The following SLC5A12 variants were observed in gnomAD, a reference collection of about 807,000 sequenced individuals.
SLC5A12 encodes sodium-coupled monocarboxylate transporter 2.
In SLC5A12, 46 loss-of-function variants were observed where a neutral mutation model predicts 72.7. That is an observed-to-expected ratio of 0.63 (90% CI 0.50 to 0.81). The LOEUF is 0.81. SLC5A12 is among the 30% of genes least tolerant of loss of function. The probability of loss-of-function intolerance (pLI) is 0.00; values close to 1 mark genes in which losing one functional copy is unlikely to be tolerated. For missense variants in SLC5A12, 683 were observed against 740.7 expected (o/e 0.92, Z 0.90); for synonymous variants, 275 against 264.4 (o/e 1.04, Z -0.39).
At chr11:26,709,106 G>A (rs1855159659) in intron 4 of SLC5A12, 3 of 414,602 alleles carry the variant, frequency 7.2e-6, no homozygotes, top group Non-Finnish European at 1.3e-5. Flanking sequence ...AATGAGTGCA[G>A]AGATTAAATT....
At chr11:26,715,109 T>C (rs1855319586) in intron 1 of SLC5A12, among the ~76,000 whole-genome samples, 1 of 152,156 alleles carries the variant, frequency 6.6e-6, no homozygotes, top group African/African-American at 2.4e-5. Flanking sequence ...GCCATGATTT[T>C]CTCTTCTGAA....
intron 4 of SLC5A12, among the ~76,000 whole-genome samples, chr11:26,705,124 A>G (rs1855053328): frequency 6.6e-6 from 1 of 152,028 alleles, no homozygotes; most frequent in South Asian, 2.1e-4. Context: ...TTTAAGCCCT[A>G]TCCCCAAGGG....
At chr11:26,680,110 A>T (rs1342059267) in intron 12 of SLC5A12, among the ~76,000 whole-genome samples, 1 of 151,594 alleles carries the variant, frequency 6.6e-6, no homozygotes. Context: ...GCCTGGACTC[A>T]GAGGGAATGA....
rs71449136 is a variant in SLC5A12 at position 26,671,047 on chromosome 11, T to TTGTGTG, written c.*49_*54dup. 3.9e-3 allele frequency: 5,332 copies of TTGTGTG among 1,350,874 alleles called. 5 individuals are homozygous for TTGTGTG. Among genetic ancestry groups the TTGTGTG allele is most frequent in the South Asian group, 8.4e-3 (573 of 67,858 alleles). The allele number at this position is 1,350,874 out of a possible 1,614,324, so 83.7% of individuals were successfully genotyped here. ...CAAGTAGGCAAGAAGTATGTGGAGT[T>TTGTGTG]TGTGTGTGTGTGTGTGTATTGCACG... On this transcript the variant is annotated 3_prime_UTR_variant, in exon 15 of 15. Coordinates refer to ENST00000396005, the MANE Select transcript of SLC5A12 (RefSeq NM_178498.4).
Position 26,709,398 on chromosome 11 carries a change from A to C in SLC5A12, c.458-19T>G. On this transcript the variant is annotated intron_variant, in intron 3 of 14. Transcript: ENST00000396005. ...CCAGTCACTAGGAAAGAAGAAAAAA[A>C]TATTAAAAGAAGTTTCCTTCAAAAA... The C allele has an allele frequency of 6.3e-7, 1 of 1,587,014 alleles. No individual in the cohort carries two copies. The highest frequency in any genetic ancestry group is 8.6e-7 in the Non-Finnish European group (1 of 1,163,694).
intron 6 of SLC5A12, 102 bp from the exon 7 acceptor site, chr11:26,698,637 C>A: frequency 8.9e-7 from 1 of 1,118,870 alleles, no homozygotes; most frequent in South Asian, 2.3e-5. Flanking sequence ...GGTCTTTTTG[C>A]TAGTAAAATA....
chr11:26,701,168 G>A (rs1854949547), intron 6 of SLC5A12, among the ~76,000 whole-genome samples: 1 of 152,102 alleles, frequency 6.6e-6, no homozygotes, highest in Admixed American at 6.5e-5. Flanking sequence ...TCTCACTACA[G>A]CAATCTCCCC....
chr11:26,674,573 G>A lies in SLC5A12; in HGVS notation c.1580-1044C>T, dbSNP rs534527745. On this transcript the variant is annotated intron_variant, in intron 13 of 14. Transcript: ENST00000396005. ...AACTACCATGCCCGGCTAATTTTTT[G>A]CATTCTTTTTGTAGAGATGGGATTT... is the stretch of plus-strand genomic sequence containing the variant. Among the ~76,000 whole-genome samples, 5 of 151,892 alleles carry A rather than the reference G, an allele frequency of 3.3e-5. No individual in the cohort carries two copies. In the South Asian group the frequency reaches 6.2e-4, roughly 19 times the overall value.
At position 26,680,296 on chromosome 11, in the gene SLC5A12, T is replaced by C. The variant is rs969991987; in HGVS notation, c.1475+759A>G. On this transcript the variant is annotated intron_variant, in intron 12 of 14. Coordinates refer to ENST00000396005, the MANE Select transcript of SLC5A12 (RefSeq NM_178498.4). ...TGTAGTGCTACTTTATATATATGTA[T>C]ATATATTCATATATATATATGTATA... Among the ~76,000 whole-genome samples, 12 of 102,108 alleles carry C rather than the reference T, an allele frequency of 1.2e-4. 2 individuals are homozygous for C. The South Asian group carries it at 3.9e-3, about 33-fold the overall frequency. 67.0% of individuals were successfully genotyped at this position (102,108 alleles called of 152,430 possible). A position where few individuals can be genotyped will look rare whatever the true frequency, so the allele number is the denominator to read the frequency against.
At chr11:26,683,697 G>A (rs1854459841) in intron 11 of SLC5A12, 60 bp downstream of exon 11, 2 of 1,377,462 alleles carry the variant, frequency 1.5e-6, no homozygotes, top group South Asian at 1.2e-5. Context: ...TGAGAGGAGA[G>A]AGAAAACGGC....
rs35305345 is a variant in SLC5A12 at position 26,685,631 on chromosome 11, C to CA, written c.1221+845dup. On this transcript the variant is annotated intron_variant, in intron 10 of 14. Transcript: ENST00000396005. ...TCAAAAAAACAAACAAACAAAAAAA[C>CA]AAAAAAACCCACAAAGACACAACGG... 1.1e-4 allele frequency among the ~76,000 whole-genome samples: 15 copies of CA among 140,372 alleles called. No homozygotes were observed. In the South Asian group the frequency reaches 1.9e-3, roughly 18 times the overall value. 92.1% of individuals were successfully genotyped at this position (140,372 alleles called of 152,430 possible). A position where few individuals can be genotyped will look rare whatever the true frequency, so the allele number is the denominator to read the frequency against.
At chr11:26,690,428 C>A (rs1037419085) in intron 9 of SLC5A12, among the ~76,000 whole-genome samples, 2 of 151,388 alleles carry the variant, frequency 1.3e-5, no homozygotes, top group African/African-American at 2.4e-5. Context: ...CATGAGAAAC[C>A]TTTATATTAT....
At chr11:26,699,397 C>T (rs1449016243) in intron 6 of SLC5A12, among the ~76,000 whole-genome samples, 1 of 152,188 alleles carries the variant, frequency 6.6e-6, no homozygotes, top group Non-Finnish European at 1.5e-5. Flanking sequence ...TCCTCTAAAA[C>T]CTATACCGTA....
In SLC5A12 at chr11:26,721,667, G is replaced by C. The variant is rs1445470795; in HGVS notation, c.48C>G (p.Ala16=). 2 of 1,614,080 alleles carry C rather than the reference G, an allele frequency of 1.2e-6. No individual in the cohort carries two copies. Among genetic ancestry groups the C allele is most frequent in the Admixed American group, 1.7e-5 (1 of 60,010 alleles). The part of the protein sequence containing the change: ...FAVWDYVVFA[A]LFFISSGIGV... ...CAATTCCAGAGGAAATGAAAAAGAG[G>C]GCTGCAAATACAACATAATCCCAAA... The change falls in exon 1 of 15, where the codon GCC becomes GCG. Residue 16 remains alanine (A), a synonymous_variant. Coordinates refer to ENST00000396005, the MANE Select transcript of SLC5A12 (RefSeq NM_178498.4).
chr11:26,718,677 T>TG (rs1855409440), intron 1 of SLC5A12, among the ~76,000 whole-genome samples: 2 of 150,650 alleles, frequency 1.3e-5, no homozygotes, highest in Admixed American at 1.3e-4. Context: ...TTAGTAGAGA[T>TG]GGAGTTTCTC....
chr11:26,678,834 G>A lies in SLC5A12; in HGVS notation c.1476-19C>T. On this transcript the variant is annotated intron_variant, in intron 12 of 14. Coordinates refer to ENST00000396005, the MANE Select transcript of SLC5A12 (RefSeq NM_178498.4). The stretch of plus-strand genomic sequence containing the variant: ...TCCAGGTCTGTGGAGAACAGCACAT[G>A]TCACCAATTCCATGCATCCTAAAGA... 3.2e-6 allele frequency: 5 copies of A among 1,552,256 alleles called. No individual in the cohort carries two copies. The South Asian group carries it at 5.6e-5, about 17-fold the overall frequency.
At chr11:26,694,386 A>G (rs1164709447) in intron 8 of SLC5A12, among the ~76,000 whole-genome samples, 1 of 152,152 alleles carries the variant, frequency 6.6e-6, no homozygotes, top group East Asian at 1.9e-4. Context: ...GTTAACAGCC[A>G]TATTTCTCCA....
chr11:26,703,466 A>G lies in SLC5A12; in HGVS notation c.821+65T>C, dbSNP rs772390233. Reference sequence around the variant, plus strand: ...CACACACCCCCCAAGAGGAAGTATTAATATATAATAAGTACCAAATAAGGT... The same window carrying G: ...CACACACCCCCCAAGAGGAAGTATTGATATATAATAAGTACCAAATAAGGT... On this transcript the variant is annotated intron_variant, in intron 6 of 14. Transcript: ENST00000396005. The G allele has an allele frequency of 1.1e-4, 164 of 1,502,778 alleles. 1 individual carries two copies. The Middle Eastern group carries it at 1.7e-3, about 16-fold the overall frequency. The allele number at this position is 1,502,778 out of a possible 1,614,324, so 93.1% of individuals were successfully genotyped here.
intron 7 of SLC5A12, among the ~76,000 whole-genome samples, chr11:26,697,936 C>T (rs888487783): frequency 8.7e-6 from 1 of 115,018 alleles, no homozygotes; most frequent in Non-Finnish European, 1.6e-5. Context: ...TCACTCTTGT[C>T]GCCCAGGCTG....
Sources: allele counts gnomAD v4.1 joint callset (sites outside exome capture counted in the v4.1 genomes callset), GRCh38; gene constraint gnomAD v4.1.1; transcripts MANE v1.5; gene names NCBI Gene and HGNC (gene_info 2026-07-23, HGNC 2026-07-21).